ADAMDEC1: variants seen among roughly 807,000 people sequenced by gnomAD.
ADAMDEC1 encodes ADAM DEC1.
ADAMDEC1 carries 62 observed loss-of-function variants against 60.4 expected under a neutral mutation model. The observed-to-expected ratio is 1.03, with a 90% CI of 0.84 to 1.27. The LOEUF is 1.27. Ranked by LOEUF, ADAMDEC1 falls within the 50% of genes most tolerant of loss-of-function variation. The pLI is 0.00. For missense variants in ADAMDEC1, 595 were observed against 565.0 expected, an observed-to-expected ratio of 1.05 and a Z score of -0.54; for synonymous variants, 210 against 195.1, an observed-to-expected ratio of 1.08 and a Z score of -0.64.
chr8:24,389,999 G>A (rs1436460893), intron 1 of ADAMDEC1: 2 of 326,036 alleles, frequency 6.1e-6, no homozygotes, highest in Non-Finnish European at 1.2e-5. Context: ...CTTCCAACCT[G>A]TAAATAATTT....
chr8:24,403,393 T>C (rs1254135999), intron 12 of ADAMDEC1, among the ~76,000 whole-genome samples: 2 of 147,870 alleles, frequency 1.4e-5, no homozygotes, highest in Non-Finnish European at 2.9e-5. Context: ...ATAAGCTTTC[T>C]GTCTAGATAT....
In ADAMDEC1 at chr8:24,405,906, T is replaced by C. The variant is rs1164861100; in HGVS notation, c.*608T>C. 1 of 152,314 alleles carries C rather than the reference T, an allele frequency of 6.6e-6. No individual in the cohort carries two copies. The highest frequency in any genetic ancestry group is 1.5e-5 in the Non-Finnish European group (1 of 68,030). The allele number at this position is 152,314 out of a possible 1,614,324, so 9.4% of individuals were successfully genotyped here. ...CACACATCTCCTTCATCATCATATA[T>C]GAAGTTTATTTTGAGAAGTCTACAT... On this transcript the variant is annotated 3_prime_UTR_variant, in exon 14 of 14. Transcript: ENST00000256412.
Position 24,384,653 on chromosome 8 carries a change from T to C in ADAMDEC1, c.88+61T>C, listed in dbSNP as rs1373702900. On this transcript the variant is annotated intron_variant, in intron 1 of 13. Coordinates refer to ENST00000256412, the MANE Select transcript of ADAMDEC1 (RefSeq NM_014479.3). ...CAAATTATTTGATGAATGTTTAAAG[T>C]GCCTTTTGAAAAAAAATGGCATATG... The C allele has an allele frequency of 8.9e-6, 13 of 1,456,846 alleles. No individual in the cohort carries two copies. The African/African-American group carries it at 1.4e-4, about 16-fold the overall frequency. The allele number at this position is 1,456,846 out of a possible 1,614,324, so 90.2% of individuals were successfully genotyped here. A position where few individuals can be genotyped will look rare whatever the true frequency, so the allele number is the denominator to read the frequency against.
rs141288918 is a variant in ADAMDEC1, at chr8:24,397,408, C to T, written c.579C>T (p.Asp193=). 3.4e-5 allele frequency: 55 copies of T among 1,613,876 alleles called. No individual in the cohort carries two copies. Among genetic ancestry groups the T allele is most frequent in the African/African-American group, 2.3e-4 (17 of 74,894 alleles). Reference sequence around the variant, plus strand: ...ACACATGTGGTGTGAAGAGCACTGACGGGAAACAAGGCCCAATTCGAATCT... The same window carrying T: ...ACACATGTGGTGTGAAGAGCACTGATGGGAAACAAGGCCCAATTCGAATCT... The part of the protein sequence containing the change: ...ANHTCGVKST[D]GKQGPIRISR... Residue 193 remains aspartate, a synonymous_variant, in exon 6 of 14, where the codon GAC becomes GAT. Coordinates refer to ENST00000256412, the MANE Select transcript of ADAMDEC1 (RefSeq NM_014479.3).
chr8:24,400,320 A>C lies in ADAMDEC1; in HGVS notation c.1142+20A>C, dbSNP rs370138921. Reference sequence around the variant, plus strand: ...TCTGAGGTGAGACCTTGTCATCCTAAAAGGAGAGAGATATTTTCCAAATCT... The same window carrying C: ...TCTGAGGTGAGACCTTGTCATCCTACAAGGAGAGAGATATTTTCCAAATCT... On this transcript the variant is annotated intron_variant, in intron 11 of 13. Coordinates refer to ENST00000256412, the MANE Select transcript of ADAMDEC1 (RefSeq NM_014479.3). The C allele has an allele frequency of 3.7e-4, 587 of 1,579,424 alleles. 1 individual carries two copies. The highest frequency in any genetic ancestry group is 2.7e-3 in the Middle Eastern group (16 of 5,886).
Position 24,395,669 on chromosome 8 carries a change from T to TAC in ADAMDEC1, c.364-35_364-34dup, listed in dbSNP as rs3830352. 2,202 of 1,138,330 alleles carry TAC rather than the reference T, an allele frequency of 1.9e-3. 1 individual carries two copies. The highest frequency in any genetic ancestry group is 5.7e-3 in the African/African-American group (367 of 64,694). The allele number at this position is 1,138,330 out of a possible 1,614,324, so 70.5% of individuals were successfully genotyped here. A position where few individuals can be genotyped will look rare whatever the true frequency, so the allele number is the denominator to read the frequency against. ...TTTATACATTACACACACACTCACA[T>TAC]ACACACACACACACACATTTCTGAA... On this transcript the variant is annotated intron_variant, in intron 4 of 13. Coordinates refer to ENST00000256412, the MANE Select transcript of ADAMDEC1 (RefSeq NM_014479.3).
At chr8:24,395,529 G>A (rs889033678) in intron 4 of ADAMDEC1, among the ~76,000 whole-genome samples, 191 bp from the exon 5 acceptor site, 1 of 152,164 alleles carries the variant, frequency 6.6e-6, no homozygotes, top group Non-Finnish European at 1.5e-5. Context: ...AAACCTCTGA[G>A]GTTCTTGCTG....
intron 11 of ADAMDEC1, among the ~76,000 whole-genome samples, chr8:24,401,197 TAAAA>T (rs747082294): frequency 1.3e-5 from 2 of 152,128 alleles, no homozygotes; most frequent in Non-Finnish European, 2.9e-5. Flanking sequence ...GCACAAATTT[TAAAA>T]ACTACCAGGG....
In ADAMDEC1 at chr8:24,397,742, C is replaced by G; in HGVS notation, c.687C>G (p.Ala229=). 1 of 1,612,700 alleles carries G rather than the reference C, an allele frequency of 6.2e-7. No individual in the cohort carries two copies. The highest frequency in any genetic ancestry group is 1.1e-5 in the South Asian group (1 of 90,786). The part of the protein sequence containing the change: ...YIDLYLVLDN[A]FYKNYNENLT... The stretch of plus-strand genomic sequence containing the variant: ...ATCTCTATTTGGTGCTGGATAATGC[C>G]TTTGTGAGTATGAAACACACGGCCC... The change falls in exon 7 of 14, where the codon GCC becomes GCG. Residue 229 remains alanine, a synonymous_variant. Coordinates refer to ENST00000256412, the MANE Select transcript of ADAMDEC1 (RefSeq NM_014479.3).
intron 1 of ADAMDEC1, among the ~76,000 whole-genome samples, chr8:24,388,630 C>G (rs553755911): frequency 1.3e-5 from 2 of 152,182 alleles, no homozygotes; most frequent in African/African-American, 4.8e-5. Flanking sequence ...GCTTGATACT[C>G]TTTTCTTTTG....
intron 1 of ADAMDEC1, among the ~76,000 whole-genome samples, chr8:24,384,940 A>G (rs551196950): frequency 1.5e-4 from 23 of 152,310 alleles, no homozygotes; most frequent in African/African-American, 5.5e-4. Context: ...TTTCTCTACT[A>G]AATAAAATTT....
intron 4 of ADAMDEC1, among the ~76,000 whole-genome samples, chr8:24,394,655 C>A (rs1218439057): frequency 5.9e-5 from 9 of 152,052 alleles, no homozygotes. Flanking sequence ...TACAATAAAT[C>A]TCAATCAAGA....
intron 12 of ADAMDEC1, among the ~76,000 whole-genome samples, chr8:24,403,573 A>G (rs1817817787): frequency 6.6e-6 from 1 of 152,066 alleles, no homozygotes; most frequent in African/African-American, 2.4e-5. Flanking sequence ...GGGCACTGAT[A>G]TTTTTACAAT....
chr8:24,397,495 G>C lies in ADAMDEC1; in HGVS notation c.627+39G>C, dbSNP rs759536290. ...CCTTACCTCATCATTTACTTCAATT[G>C]TCTCAGCAAAGATAGGCAATATACT... On this transcript the variant is annotated intron_variant, in intron 6 of 13. Transcript: ENST00000256412. 4 of 1,603,418 alleles carry C rather than the reference G, an allele frequency of 2.5e-6. No individual in the cohort carries two copies. The East Asian group carries it at 8.9e-5, about 36-fold the overall frequency.
intron 11 of ADAMDEC1, among the ~76,000 whole-genome samples, chr8:24,400,507 C>T (rs185404726): frequency 1.1e-4 from 16 of 151,802 alleles, no homozygotes; most frequent in Admixed American, 2.0e-4. Context: ...TGTAGGGTAA[C>T]ATATTACATT....
chr8:24,390,635 G>A (rs7003362), intron 1 of ADAMDEC1, among the ~76,000 whole-genome samples: 3,572 of 152,194 alleles, frequency 0.023, 138 homozygotes, highest in African/African-American at 0.082. Flanking sequence ...CAGGAGAATC[G>A]TTTGAACCTG....
chr8:24,389,116 T>TA (rs1488346722), intron 1 of ADAMDEC1, among the ~76,000 whole-genome samples: 1 of 152,138 alleles, frequency 6.6e-6, no homozygotes, highest in Non-Finnish European at 1.5e-5. Flanking sequence ...CTGGAAATCT[T>TA]AGAGGGATCC....
chr8:24,397,403 A>C lies in ADAMDEC1; in HGVS notation c.574A>C (p.Thr192Pro). ...TAACCACACATGTGGTGTGAAGAGC[A>C]CTGACGGGAAACAAGGCCCAATTCG... ...PANHTCGVKS[T>P]DGKQGPIRIS... The change falls in exon 6 of 14, where the codon ACT (threonine) becomes CCT (proline). Residue 192 changes from threonine to proline, a missense_variant. Physicochemically the swap from Thr to Pro is conservative, Grantham distance 38. Coordinates refer to ENST00000256412, the MANE Select transcript of ADAMDEC1 (RefSeq NM_014479.3). 2 of 1,614,094 alleles carry C rather than the reference A, an allele frequency of 1.2e-6. No homozygotes were observed. Among genetic ancestry groups the C allele is most frequent in the Non-Finnish European group, 1.7e-6 (2 of 1,179,974 alleles).
Position 24,400,209 on chromosome 8 carries a change from T to C in ADAMDEC1, c.1051T>C (p.Ser351Pro). ...TAATGTGGCTCTTGTAGGAGTGATG[T>C]CACATGAGCTGGGCCATGTCCTTGG... is the stretch of plus-strand genomic sequence containing the variant. The part of the protein sequence containing the change: ...KNNVALVGVM[S>P]HELGHVLGMP... The change falls in exon 11 of 14, where the codon TCA (serine) becomes CCA (proline). Residue 351 changes from serine (S) to proline (P), a missense_variant. By Grantham distance (74) the Ser-to-Pro change is moderately conservative. Coordinates refer to ENST00000256412, the MANE Select transcript of ADAMDEC1 (RefSeq NM_014479.3). 2.5e-6 allele frequency: 4 copies of C among 1,607,506 alleles called. No individual in the cohort carries two copies. The highest frequency in any genetic ancestry group is 3.4e-6 in the Non-Finnish European group (4 of 1,176,950).
Sources: gnomAD v4.1 joint callset for allele counts (sites outside exome capture counted in the v4.1 genomes callset) on GRCh38, gnomAD v4.1.1 for gene constraint, MANE v1.5 for transcripts, NCBI Gene and HGNC (gene_info 2026-07-23, HGNC 2026-07-21) for gene names.